The following DLGAP2 variants were observed in gnomAD, a reference collection of about 807,000 sequenced individuals.
The protein encoded by DLGAP2 is disks large-associated protein 2.
In DLGAP2, 26 loss-of-function variants were observed where a neutral mutation model predicts 100.3. The observed-to-expected ratio is 0.26, with a 90% CI of 0.19 to 0.36. DLGAP2 has a LOEUF of 0.36. Among genes scored for constraint, DLGAP2 ranks in the 10% least tolerant of loss-of-function variants. DLGAP2 has a pLI of 1.00. For synonymous variants in DLGAP2, 886 were observed against 630.1 expected (o/e 1.41, Z -6.08); for missense variants, 1,858 against 1,453.2 (o/e 1.28, Z -4.53).
At chr8:1,309,345 C>T (rs976936336) in intron 3 of DLGAP2, among the ~76,000 whole-genome samples, 4 of 152,100 alleles carry the variant, frequency 2.6e-5, no homozygotes, top group African/African-American at 7.2e-5. Context: ...ATCCCAAAAG[C>T]AGCAGAAGAG....
chr8:891,749 T>C (rs971019857), intron 1 of DLGAP2: 3 of 152,008 alleles, frequency 2.0e-5, no homozygotes, highest in African/African-American at 7.3e-5. Flanking sequence ...CACTGTGGAG[T>C]GCAAAGCACG....
At chr8:1,594,479 C>T (rs1796387030) in intron 6 of DLGAP2, among the ~76,000 whole-genome samples, 1 of 151,998 alleles carries the variant, frequency 6.6e-6, no homozygotes, top group African/African-American at 2.4e-5. Context: ...CAACAACAGA[C>T]CAGATCAAAC....
intron 2 of DLGAP2, among the ~76,000 whole-genome samples, chr8:1,188,554 G>A (rs936788723): frequency 6.7e-6 from 1 of 150,296 alleles, no homozygotes; most frequent in Admixed American, 6.6e-5. Flanking sequence ...TCAGACGCCC[G>A]GGATCTCCGT....
At chr8:1,520,820 C>T (rs1800569854) in intron 4 of DLGAP2, among the ~76,000 whole-genome samples, 1 of 152,320 alleles carries the variant, frequency 6.6e-6, no homozygotes, top group East Asian at 1.9e-4. Flanking sequence ...CTATACACAT[C>T]TGTGTGCGGG....
At chr8:1,188,747 C>T (rs567550054) in intron 2 of DLGAP2, among the ~76,000 whole-genome samples, 2 of 152,328 alleles carry the variant, frequency 1.3e-5, no homozygotes, top group South Asian at 4.1e-4. Context: ...TCTGAGATGT[C>T]AGCGTCTGGA....
At chr8:1,571,344 G>T (rs1177007364) in intron 6 of DLGAP2, among the ~76,000 whole-genome samples, 1 of 133,158 alleles carries the variant, frequency 7.5e-6, no homozygotes, top group African/African-American at 2.9e-5. Flanking sequence ...AGGGTGAACT[G>T]TGGGGGCATC....
At chr8:1,591,482 T>C (rs555146036) in intron 6 of DLGAP2, among the ~76,000 whole-genome samples, 1 of 152,226 alleles carries the variant, frequency 6.6e-6, no homozygotes, top group Non-Finnish European at 1.5e-5. Context: ...TCCCCTCCTT[T>C]CTTTTCTAAC....
At chr8:1,095,743 A>G (rs1804347342) in intron 2 of DLGAP2, among the ~76,000 whole-genome samples, 1 of 152,192 alleles carries the variant, frequency 6.6e-6, no homozygotes, top group Non-Finnish European at 1.5e-5. Context: ...CTCTACTCTT[A>G]AATGTCTTTT....
chr8:976,854 A>G (rs541335902), intron 2 of DLGAP2, among the ~76,000 whole-genome samples: 1 of 152,356 alleles, frequency 6.6e-6, no homozygotes, highest in Admixed American at 6.5e-5. Flanking sequence ...ATAGCATAAA[A>G]TACCTAGGTA....
chr8:1,455,836 G>T (rs1281393946), intron 3 of DLGAP2, among the ~76,000 whole-genome samples: 3 of 152,198 alleles, frequency 2.0e-5, no homozygotes, highest in African/African-American at 7.2e-5. Context: ...CAGCGTTCCA[G>T]GCAGACCACA....
At chr8:1,296,750 C>A (rs940462207) in intron 3 of DLGAP2, among the ~76,000 whole-genome samples, 1 of 152,176 alleles carries the variant, frequency 6.6e-6, no homozygotes, top group East Asian at 1.9e-4. Context: ...TTGCGGGAAA[C>A]GTGGTAAGTG....
At chr8:1,286,450 C>A (rs1314960571) in intron 3 of DLGAP2, among the ~76,000 whole-genome samples, 2 of 152,198 alleles carry the variant, frequency 1.3e-5, no homozygotes, top group African/African-American at 2.4e-5. Flanking sequence ...GCAAGCTCTA[C>A]CAGTTACCAT....
intron 1 of DLGAP2, among the ~76,000 whole-genome samples, chr8:759,118 C>T (rs1585832296): frequency 1.9e-4 from 17 of 90,666 alleles, no homozygotes; most frequent in Middle Eastern, 6.3e-3. Context: ...ACAGCCTTCC[C>T]ATTATCAATA....
Position 949,048 on chromosome 8 carries a change from G to A in DLGAP2, c.73+41082G>A, listed in dbSNP as rs189940763. 1.8e-4 allele frequency among the ~76,000 whole-genome samples: 27 copies of A among 151,930 alleles called. 1 individual carries two copies. The highest frequency in any genetic ancestry group is 9.2e-4 in the Admixed American group (14 of 15,276). ...GCCATCTTGAGGGGACGCCAGGGTGGGAGCAGGGCCCGTGGGCGTGACTGC... is the reference window on the plus strand; with the variant it reads ...GCCATCTTGAGGGGACGCCAGGGTGAGAGCAGGGCCCGTGGGCGTGACTGC... On this transcript the variant is annotated intron_variant, in intron 2 of 14. Transcript: ENST00000637795.
chr8:1,645,473 C>A (rs1013161386), intron 8 of DLGAP2, among the ~76,000 whole-genome samples: 1 of 152,118 alleles, frequency 6.6e-6, no homozygotes, highest in Non-Finnish European at 1.5e-5. Flanking sequence ...TTCCCACTTA[C>A]GATGTTTTTA....
At chr8:1,277,930 A>C (rs1221536456) in intron 3 of DLGAP2, among the ~76,000 whole-genome samples, 1 of 152,200 alleles carries the variant, frequency 6.6e-6, no homozygotes, top group African/African-American at 2.4e-5. Context: ...CTGGTAATTT[A>C]ACATGATTCT....
At chr8:1,006,034 C>T (rs1163107928) in intron 2 of DLGAP2, among the ~76,000 whole-genome samples, 1 of 151,960 alleles carries the variant, frequency 6.6e-6, no homozygotes, top group Non-Finnish European at 1.5e-5. Context: ...ACTAAAAATA[C>T]AAAAATTAGC....
Position 1,702,294 on chromosome 8 carries a change from A to AT in DLGAP2, c.*895dup, listed in dbSNP as rs1201594330. 3.9e-5 allele frequency: 6 copies of AT among 152,224 alleles called. No individual in the cohort carries two copies. The highest frequency in any genetic ancestry group is 8.8e-5 in the Non-Finnish European group (6 of 67,992). 9.4% of individuals were successfully genotyped at this position (152,224 alleles called of 1,614,324 possible). A position where few individuals can be genotyped will look rare whatever the true frequency, so the allele number is the denominator to read the frequency against. ...AGTTTCACCATTTACGCTACATGTG[A>AT]TTTTTTTAATGTATGTATATATATA... On this transcript the variant is annotated 3_prime_UTR_variant, in exon 15 of 15. Coordinates refer to ENST00000637795, the MANE Select transcript of DLGAP2 (RefSeq NM_001346810.2).
chr8:1,203,982 C>G (rs977598402), intron 2 of DLGAP2, among the ~76,000 whole-genome samples: 5 of 152,194 alleles, frequency 3.3e-5, no homozygotes, highest in African/African-American at 1.2e-4. Context: ...AAAAGGCGTT[C>G]TTTTGAACTA....
Sources: allele counts gnomAD v4.1 joint callset (sites outside exome capture counted in the v4.1 genomes callset), GRCh38; gene constraint gnomAD v4.1.1; transcripts MANE v1.5; gene names NCBI Gene and HGNC (gene_info 2026-07-23, HGNC 2026-07-21).